KCNH7: variants seen among roughly 807,000 people sequenced by gnomAD.
KCNH7 encodes the protein potassium voltage-gated channel subfamily H member 7.
KCNH7 carries 49 observed loss-of-function variants against 120.8 expected under a neutral mutation model. That is an observed-to-expected ratio of 0.41 (90% CI 0.32 to 0.51). The LOEUF (loss-of-function observed/expected upper bound fraction) is 0.51, where lower values mean the gene tolerates loss of function less well. Among genes scored for constraint, KCNH7 ranks in the 20% least tolerant of loss-of-function variants. The pLI, the probability that KCNH7 is intolerant of heterozygous loss-of-function variation, is 0.38. For missense variants in KCNH7, 1,097 were observed against 1,446.6 expected (o/e 0.76, Z 3.92); for synonymous variants, 547 against 516.1 (o/e 1.06, Z -0.81).
Position 162,462,462 on chromosome 2 carries a change from A to C in KCNH7, c.1129-16019T>G, listed in dbSNP as rs146032764. On this transcript the variant is annotated intron_variant, in intron 6 of 15. Transcript: ENST00000332142. ...TAACATAAGGCTTGGATTTCTATGGATCTCTGAATGTTTGTGTATGATCAC... is the reference window on the plus strand; with the variant it reads ...TAACATAAGGCTTGGATTTCTATGGCTCTCTGAATGTTTGTGTATGATCAC... Among the ~76,000 whole-genome samples, 335 of 152,102 alleles carry C rather than the reference A, an allele frequency of 2.2e-3. 2 individuals are homozygous for C. The highest frequency in any genetic ancestry group is 7.6e-3 in the African/African-American group (314 of 41,534).
At chr2:162,705,641 T>C (rs1686673866) in intron 2 of KCNH7, among the ~76,000 whole-genome samples, 1 of 152,116 alleles carries the variant, frequency 6.6e-6, no homozygotes, top group Non-Finnish European at 1.5e-5. Flanking sequence ...ATTATTATCT[T>C]TGAGCTGATA....
intron 7 of KCNH7, among the ~76,000 whole-genome samples, chr2:162,436,020 T>G (rs762211785): frequency 6.6e-6 from 1 of 152,108 alleles, no homozygotes; most frequent in Non-Finnish European, 1.5e-5. Context: ...AAGTGTCTAA[T>G]CTAATGAAGA....
chr2:162,530,041 A>C (rs1691862335), intron 3 of KCNH7, among the ~76,000 whole-genome samples: 1 of 151,882 alleles, frequency 6.6e-6, no homozygotes, highest in African/African-American at 2.4e-5. Flanking sequence ...TTCTACAGAG[A>C]ATAAGTTTAT....
At chr2:162,416,553 C>A (rs1687547299) in intron 9 of KCNH7, among the ~76,000 whole-genome samples, 1 of 151,994 alleles carries the variant, frequency 6.6e-6, no homozygotes, top group African/African-American at 2.4e-5. Flanking sequence ...AATAATTTCG[C>A]CTTTGTGGAG....
At chr2:162,787,752 A>C (rs1683765609) in intron 2 of KCNH7, among the ~76,000 whole-genome samples, 1 of 151,974 alleles carries the variant, frequency 6.6e-6, no homozygotes, top group Non-Finnish European at 1.5e-5. Context: ...TTCCAGGTCC[A>C]TCTCAGTAGA....
At chr2:162,569,798 A>G (rs912262066) in intron 2 of KCNH7, among the ~76,000 whole-genome samples, 2 of 147,196 alleles carry the variant, frequency 1.4e-5, no homozygotes, top group Non-Finnish European at 3.0e-5. Flanking sequence ...CCCAGTAGTC[A>G]TTCAGGAGCA....
intron 2 of KCNH7, among the ~76,000 whole-genome samples, chr2:162,759,096 G>T (rs1232032517): frequency 6.6e-6 from 1 of 152,070 alleles, no homozygotes; most frequent in Non-Finnish European, 1.5e-5. Flanking sequence ...TAAAGATTGG[G>T]CCTGGGTTTC....
chr2:162,678,606 C>A (rs1043270615), intron 2 of KCNH7, among the ~76,000 whole-genome samples: 2 of 151,466 alleles, frequency 1.3e-5, no homozygotes, highest in African/African-American at 4.8e-5. Context: ...ACATATCAAA[C>A]TCAAACGAAT....
At chr2:162,459,226 T>C (rs1391956173) in intron 6 of KCNH7, among the ~76,000 whole-genome samples, 4 of 151,944 alleles carry the variant, frequency 2.6e-5, no homozygotes, top group Non-Finnish European at 5.9e-5. Context: ...CCAGTATTCC[T>C]AGGGCTTAGC....
intron 2 of KCNH7, among the ~76,000 whole-genome samples, chr2:162,589,280 GA>G (rs1460021332): frequency 6.6e-6 from 1 of 151,892 alleles, no homozygotes; most frequent in East Asian, 1.9e-4. Context: ...ACTATTTACT[GA>G]ACAAAACCCC....
chr2:162,825,632 AC>A (rs1190495339), intron 2 of KCNH7, among the ~76,000 whole-genome samples: 5 of 152,136 alleles, frequency 3.3e-5, no homozygotes, highest in African/African-American at 4.8e-5. Flanking sequence ...GACTTTTGGT[AC>A]ATTTGTACAA....
In KCNH7 at chr2:162,408,069, T is replaced by C. The variant is rs77117178; in HGVS notation, c.2155-7628A>G. Among the ~76,000 whole-genome samples the C allele has an allele frequency of 8.2e-3, 1,244 of 152,180 alleles. 20 individuals are homozygous for C. The highest frequency in any genetic ancestry group is 0.029 in the African/African-American group (1,185 of 41,564). On this transcript the variant is annotated intron_variant, in intron 9 of 15. Transcript: ENST00000332142. ...AGAGACAATGCATTAGGAATTTTAT[T>C]TGTAGAAGGACAAAGACTCCAAACT...
chr2:162,512,189 G>A (rs1267581656), intron 5 of KCNH7, among the ~76,000 whole-genome samples: 1 of 151,738 alleles, frequency 6.6e-6, no homozygotes, highest in East Asian at 2.0e-4. Context: ...ACAGTAAGCT[G>A]AAAACCATAC....
At position 162,503,000 on chromosome 2, in the gene KCNH7, T is replaced by C. The variant is rs146428532; in HGVS notation, c.1128+1443A>G. 2.5e-4 allele frequency among the ~76,000 whole-genome samples: 38 copies of C among 152,236 alleles called. 1 individual carries two copies. The highest frequency in any genetic ancestry group is 8.2e-4 in the African/African-American group (34 of 41,558). On this transcript the variant is annotated intron_variant, in intron 6 of 15. Transcript: ENST00000332142. ...AATTCTGCATTTCCAGCTTCTCTTT[T>C]AAAATGGAAAGATTTGCAAGCATTC...
chr2:162,781,015 C>T (rs1683460715), intron 2 of KCNH7, among the ~76,000 whole-genome samples: 1 of 151,844 alleles, frequency 6.6e-6, no homozygotes, highest in South Asian at 2.1e-4. Flanking sequence ...TTTACATATC[C>T]AATCTATATT....
At chr2:162,690,945 T>C (rs538293888) in intron 2 of KCNH7, among the ~76,000 whole-genome samples, 1 of 152,318 alleles carries the variant, frequency 6.6e-6, no homozygotes, top group South Asian at 2.1e-4. Flanking sequence ...CAGTTCCAAT[T>C]ATCTTTTGTT....
intron 3 of KCNH7, among the ~76,000 whole-genome samples, chr2:162,531,271 C>G (rs1037925249): frequency 1.1e-4 from 17 of 151,876 alleles, no homozygotes; most frequent in Non-Finnish European, 2.4e-4. Context: ...TTTAGGAAAC[C>G]AAGGTTTCAA....
At chr2:162,498,300 T>A (rs1053262989) in intron 6 of KCNH7, among the ~76,000 whole-genome samples, 1 of 149,544 alleles carries the variant, frequency 6.7e-6, no homozygotes, top group Non-Finnish European at 1.5e-5. Flanking sequence ...GTTACTTTCA[T>A]AATATGGCCT....
intron 2 of KCNH7, among the ~76,000 whole-genome samples, chr2:162,667,453 CT>C (rs1033403875): frequency 4.6e-5 from 7 of 152,154 alleles, no homozygotes; most frequent in African/African-American, 1.7e-4. Flanking sequence ...TCACCATGGC[CT>C]ATATACTTTA....
Sources: allele counts gnomAD v4.1 joint callset (sites outside exome capture counted in the v4.1 genomes callset), GRCh38; gene constraint gnomAD v4.1.1; transcripts MANE v1.5; gene names NCBI Gene and HGNC (gene_info 2026-07-23, HGNC 2026-07-21).